The following KIRREL3 variants were observed in gnomAD, a reference collection of about 807,000 sequenced individuals.
KIRREL3 encodes kin of IRRE-like protein 3.
A neutral mutation model predicts 89.7 loss-of-function variants in KIRREL3; 36 were observed. The ratio of observed to expected loss-of-function variants is 0.40; its 90% CI spans 0.31 to 0.53. The LOEUF (loss-of-function observed/expected upper bound fraction) is 0.53. Ranked by LOEUF, KIRREL3 falls within the 20% of genes least tolerant of loss-of-function variation. KIRREL3 has a pLI of 0.49. For missense variants in KIRREL3, 864 were observed against 1,056.6 expected, an observed-to-expected ratio of 0.82 and a Z score of 2.53; for synonymous variants, 445 against 441.4, an observed-to-expected ratio of 1.01 and a Z score of -0.10.
chr11:126,584,516 C>T (rs766503677), intron 1 of KIRREL3, among the ~76,000 whole-genome samples: 1 of 152,164 alleles, frequency 6.6e-6, no homozygotes, highest in Non-Finnish European at 1.5e-5. Context: ...TCAGTTCAGC[C>T]CAGGCATGTG....
At chr11:126,914,701 ATGCTGAGACTTT>A (rs1274470801) in intron 1 of KIRREL3, among the ~76,000 whole-genome samples, 1 of 152,254 alleles carries the variant, frequency 6.6e-6, no homozygotes, top group East Asian at 1.9e-4. Context: ...GGAGGCAAAG[ATGCTGAGACTTT>A]CACTTTCATG....
rs1030092489 is a variant in KIRREL3 at position 126,931,153 on chromosome 11, C to G, written c.55+69302G>C. 6.6e-6 allele frequency among the ~76,000 whole-genome samples: 1 copy of G among 152,210 alleles called. No homozygotes were observed. Among genetic ancestry groups the G allele is most frequent in the Non-Finnish European group, 1.5e-5 (1 of 68,032 alleles). ...ACTTATGTGCACTACCTGTGTTTGT[C>G]TGCTGGTCTTGCTGGCTTCCCCAGT... On this transcript the variant is annotated intron_variant, in intron 1 of 16. Coordinates refer to ENST00000525144, the MANE Select transcript of KIRREL3 (RefSeq NM_032531.4). The surrounding 1 kb of genome is among the most constrained non-coding windows in gnomAD (Gnocchi z 5.1).
At chr11:126,436,547 T>C (rs1955342585) in intron 12 of KIRREL3, among the ~76,000 whole-genome samples, 1 of 152,262 alleles carries the variant, frequency 6.6e-6, no homozygotes, top group Admixed American at 6.5e-5. Flanking sequence ...CACCTCCCAC[T>C]GAAGCATCGC....
chr11:126,813,835 T>C (rs1951470330), intron 1 of KIRREL3, among the ~76,000 whole-genome samples: 1 of 150,338 alleles, frequency 6.7e-6, no homozygotes, highest in Non-Finnish European at 1.5e-5. Context: ...GGCAATACCA[T>C]TCAGAACATA....
intron 1 of KIRREL3, among the ~76,000 whole-genome samples, chr11:126,962,467 C>G (rs1167538963): frequency 6.6e-6 from 1 of 152,114 alleles, no homozygotes; most frequent in Non-Finnish European, 1.5e-5. Context: ...AAGATATGAC[C>G]GAATTGCTGC....
At chr11:126,799,318 CTA>C (rs1491285133) in intron 1 of KIRREL3, among the ~76,000 whole-genome samples, 3 of 42,312 alleles carry the variant, frequency 7.1e-5, no homozygotes, top group East Asian at 7.9e-4. Flanking sequence ...ATGTGTGTAC[CTA>C]TGTGTATCTG....
intron 5 of KIRREL3, among the ~76,000 whole-genome samples, chr11:126,466,332 C>T (rs3862631): frequency 0.54 from 82,362 of 152,230 alleles, 24,211 homozygotes; most frequent in East Asian, 0.82. Flanking sequence ...TCTCTGTCCC[C>T]GTGGAAGGTC....
In KIRREL3 at chr11:126,912,966, C is replaced by T. The variant is rs1241239224; in HGVS notation, c.55+87489G>A. Among the ~76,000 whole-genome samples the T allele has an allele frequency of 1.3e-5, 2 of 152,140 alleles. No homozygotes were observed. The highest frequency in any genetic ancestry group is 2.9e-5 in the Non-Finnish European group (2 of 68,034). ...GTCTAAGTAGTCAAGAGAGGAAATGCCTTAAGGAACCACGAGATCCCTTGA... is the reference window on the plus strand; with the variant it reads ...GTCTAAGTAGTCAAGAGAGGAAATGTCTTAAGGAACCACGAGATCCCTTGA... On this transcript the variant is annotated intron_variant, in intron 1 of 16. Transcript: ENST00000525144. This position sits in a 1 kb window ranked among gnomAD's most constrained non-coding sequence, Gnocchi z 4.7.
Position 126,843,565 on chromosome 11 carries a change from C to T in KIRREL3, c.55+156890G>A, listed in dbSNP as rs537617390. 3.9e-5 allele frequency among the ~76,000 whole-genome samples: 6 copies of T among 152,234 alleles called. No individual in the cohort carries two copies. The highest frequency in any genetic ancestry group is 3.9e-4 in the East Asian group (2 of 5,182). Reference sequence around the variant, plus strand: ...CATGCCTAAGCGATAACTGGAGTCCCGACGGCTAGTGAGTGGGACCGTCAG... The same window carrying T: ...CATGCCTAAGCGATAACTGGAGTCCTGACGGCTAGTGAGTGGGACCGTCAG... On this transcript the variant is annotated intron_variant, in intron 1 of 16. Transcript: ENST00000525144. This position sits in a 1 kb window ranked among gnomAD's most constrained non-coding sequence, Gnocchi z 4.6.
Position 126,954,476 on chromosome 11 carries a change from G to A in KIRREL3, c.55+45979C>T, listed in dbSNP as rs931840480. The stretch of plus-strand genomic sequence containing the variant: ...CCTCAGAAATGCTTAATTATGCCCT[G>A]CCTTTCTTGTTCCTCCTGTCTATCT... On this transcript the variant is annotated intron_variant, in intron 1 of 16. Coordinates refer to ENST00000525144, the MANE Select transcript of KIRREL3 (RefSeq NM_032531.4). The surrounding 1 kb of genome is among the most constrained non-coding windows in gnomAD (Gnocchi z 4.1). 2.0e-5 allele frequency among the ~76,000 whole-genome samples: 3 copies of A among 152,030 alleles called. No homozygotes were observed. The highest frequency in any genetic ancestry group is 7.2e-5 in the African/African-American group (3 of 41,386).
intron 1 of KIRREL3, among the ~76,000 whole-genome samples, chr11:126,567,968 A>G (rs985769471): frequency 7.9e-5 from 12 of 152,112 alleles, no homozygotes; most frequent in Non-Finnish European, 1.6e-4. Flanking sequence ...CCTGTCCCCA[A>G]GTTGCCCAGT....
chr11:126,747,220 C>G lies in KIRREL3; in HGVS notation c.56-184308G>C, dbSNP rs745404275. The stretch of plus-strand genomic sequence containing the variant: ...AGTCCCAGGCCAGCAGGCCTCATAC[C>G]TCTACTCTGCCCTGACAAGTTGTAA... On this transcript the variant is annotated intron_variant, in intron 1 of 16. Coordinates refer to ENST00000525144, the MANE Select transcript of KIRREL3 (RefSeq NM_032531.4). The surrounding 1 kb of genome is among the most constrained non-coding windows in gnomAD (Gnocchi z 4.7). 1.3e-5 allele frequency among the ~76,000 whole-genome samples: 2 copies of G among 152,236 alleles called. No individual in the cohort carries two copies. The highest frequency in any genetic ancestry group is 2.9e-5 in the Non-Finnish European group (2 of 68,036).
At position 126,897,787 on chromosome 11, in the gene KIRREL3, CCCTCTGATATAAAATTGAT is replaced by C. The variant is rs1305840462; in HGVS notation, c.55+102649_55+102667del. Among the ~76,000 whole-genome samples, 3 of 152,164 alleles carry C rather than the reference CCCTCTGATATAAAATTGAT, an allele frequency of 2.0e-5. No individual in the cohort carries two copies. The highest frequency in any genetic ancestry group is 6.5e-5 in the Admixed American group (1 of 15,280). ...ATTCTCATGAAAAAGAATTTAATGA[CCCTCTGATATAAAATTGAT>C]CCTCTGATAAGATGGCACTTGTGGG... is the stretch of plus-strand genomic sequence containing the variant. On this transcript the variant is annotated intron_variant, in intron 1 of 16. Coordinates refer to ENST00000525144, the MANE Select transcript of KIRREL3 (RefSeq NM_032531.4). The surrounding 1 kb of genome is among the most constrained non-coding windows in gnomAD (Gnocchi z 4.2).
At chr11:126,599,888 G>A (rs561058033) in intron 1 of KIRREL3, among the ~76,000 whole-genome samples, 1 of 152,294 alleles carries the variant, frequency 6.6e-6, no homozygotes, top group East Asian at 1.9e-4. Context: ...AGGTCCCATG[G>A]TGGGCAGCTT....
At chr11:126,806,409 G>C (rs1951205228) in intron 1 of KIRREL3, among the ~76,000 whole-genome samples, 1 of 152,174 alleles carries the variant, frequency 6.6e-6, no homozygotes, top group Admixed American at 6.5e-5. Flanking sequence ...GGGTTGGCAG[G>C]AGAATTAGTC....
Position 126,710,864 on chromosome 11 carries a change from T to A in KIRREL3, c.56-147952A>T, listed in dbSNP as rs1400499043. Among the ~76,000 whole-genome samples the A allele has an allele frequency of 1.3e-5, 2 of 152,238 alleles. No individual in the cohort carries two copies. Among genetic ancestry groups the A allele is most frequent in the East Asian group, 3.8e-4 (2 of 5,200 alleles). On this transcript the variant is annotated intron_variant, in intron 1 of 16. Coordinates refer to ENST00000525144, the MANE Select transcript of KIRREL3 (RefSeq NM_032531.4). The surrounding 1 kb of genome is among the most constrained non-coding windows in gnomAD (Gnocchi z 4.2). ...AGTTGCTAAAACTCAGTAAATATCA[T>A]TTTAATAATTAATTAAACTTTAATT...
rs1950122520 is a variant in KIRREL3 at position 126,994,479 on chromosome 11, A to G, written c.55+5976T>C. ...TAGCTGACATTTATTTAATGTTCAT[A>G]GTGGTGTTGACTGTGTACGCACTGA... On this transcript the variant is annotated intron_variant, in intron 1 of 16. Coordinates refer to ENST00000525144, the MANE Select transcript of KIRREL3 (RefSeq NM_032531.4). This position sits in a 1 kb window ranked among gnomAD's most constrained non-coding sequence, Gnocchi z 5.2. Among the ~76,000 whole-genome samples the G allele has an allele frequency of 6.6e-6, 1 of 152,236 alleles. No individual in the cohort carries two copies. The highest frequency in any genetic ancestry group is 2.1e-4 in the South Asian group (1 of 4,830).
chr11:126,603,640 C>G (rs1942759877), intron 1 of KIRREL3, among the ~76,000 whole-genome samples: 1 of 152,268 alleles, frequency 6.6e-6, no homozygotes, highest in African/African-American at 2.4e-5. Flanking sequence ...AGCCACGCCT[C>G]AGTGCCCAGC....
In KIRREL3 at chr11:126,651,539, T is replaced by C. The variant is rs1944907862; in HGVS notation, c.56-88627A>G. Among the ~76,000 whole-genome samples the C allele has an allele frequency of 6.6e-6, 1 of 152,206 alleles. No individual in the cohort carries two copies. The highest frequency in any genetic ancestry group is 2.4e-5 in the African/African-American group (1 of 41,450). ...CTGGATCTTGGGAATAAATCTCTTA[T>C]TTTGGTAGCACTTTCAAATAAGTGG... On this transcript the variant is annotated intron_variant, in intron 1 of 16. Coordinates refer to ENST00000525144, the MANE Select transcript of KIRREL3 (RefSeq NM_032531.4). This position sits in a 1 kb window ranked among gnomAD's most constrained non-coding sequence, Gnocchi z 4.6.
Sources: allele counts gnomAD v4.1 joint callset (sites outside exome capture counted in the v4.1 genomes callset), GRCh38; gene constraint gnomAD v4.1.1; non-coding constraint Gnocchi (gnomAD v3.1); transcripts MANE v1.5; gene names NCBI Gene and HGNC (gene_info 2026-07-23, HGNC 2026-07-21).